PPP3CB: variants seen among roughly 807,000 people sequenced by gnomAD.
PPP3CB encodes the protein protein phosphatase 3 catalytic subunit beta.
PPP3CB carries 8 observed loss-of-function variants against 66.4 expected under a neutral mutation model. The observed-to-expected ratio is 0.12, with a 90% CI of 0.07 to 0.22. The LOEUF is 0.22. Ranked by LOEUF, PPP3CB falls within the 10% of genes least tolerant of loss-of-function variation. PPP3CB has a pLI of 1.00. For synonymous variants in PPP3CB, 208 were observed against 221.2 expected, an observed-to-expected ratio of 0.94 and a Z score of 0.53; for missense variants, 319 against 642.5, an observed-to-expected ratio of 0.50 and a Z score of 5.44.
chr10:73,467,659 T>C lies in PPP3CB; in HGVS notation c.1002A>G (p.Glu334=), dbSNP rs1370693128. Residue 334 remains glutamate, a synonymous_variant, in exon 9 of 14, where the codon GAA becomes GAG. Coordinates refer to ENST00000360663, the MANE Select transcript of PPP3CB (RefSeq NM_021132.4). The part of the protein sequence containing the change: ...YNNKAAVLKY[E]NNVMNIRQFN... ...ACTGTCGAATATTCATCACATTATT[T>C]TCATACTTTAATACAGCAGCTGCAA... 6.4e-7 allele frequency: 1 copy of C among 1,562,456 alleles called. No individual in the cohort carries two copies. The highest frequency in any genetic ancestry group is 1.2e-5 in the South Asian group (1 of 84,232).
chr10:73,450,440 T>G (rs2056326331), intron 10 of PPP3CB, among the ~76,000 whole-genome samples: 2 of 152,192 alleles, frequency 1.3e-5, no homozygotes, highest in African/African-American at 4.8e-5. Context: ...TAAACCTTAG[T>G]ATCTATCCGA....
Position 73,469,111 on chromosome 10 carries a change from C to T in PPP3CB, c.983-1433G>A, listed in dbSNP as rs185866266. Among the ~76,000 whole-genome samples the T allele has an allele frequency of 1.1e-3, 161 of 152,222 alleles. 2 individuals are homozygous for T. The highest frequency in any genetic ancestry group is 3.6e-3 in the African/African-American group (149 of 41,538). On this transcript the variant is annotated intron_variant, in intron 8 of 13. Transcript: ENST00000360663. Reference sequence around the variant, plus strand: ...CATCCCTTAACCTCCTGAGTCAAACCAACAAAGGACAATCAGTAAGGCAGT... The same window carrying T: ...CATCCCTTAACCTCCTGAGTCAAACTAACAAAGGACAATCAGTAAGGCAGT...
chr10:73,450,370 G>C (rs749688818), intron 10 of PPP3CB, among the ~76,000 whole-genome samples: 1 of 150,442 alleles, frequency 6.6e-6, no homozygotes, highest in Non-Finnish European at 1.5e-5. Context: ...AAGAAATCAG[G>C]GAGTACAAAT....
intron 1 of PPP3CB, among the ~76,000 whole-genome samples, chr10:73,480,699 C>T (rs991502353): frequency 2.0e-5 from 3 of 152,194 alleles, no homozygotes; most frequent in Non-Finnish European, 4.4e-5. Context: ...CCCGCCTTGG[C>T]TTCCCAAAGT....
intron 10 of PPP3CB, among the ~76,000 whole-genome samples, chr10:73,450,970 T>C (rs113855839): frequency 0.047 from 7,094 of 152,206 alleles, 506 homozygotes; most frequent in African/African-American, 0.15. Flanking sequence ...ATACTGATGA[T>C]ATATAAAATC....
Position 73,479,357 on chromosome 10 carries a change from C to T in PPP3CB, c.246G>A (p.Arg82=). 1 of 1,614,076 alleles carries T rather than the reference C, an allele frequency of 6.2e-7. No homozygotes were observed. Among genetic ancestry groups the T allele is most frequent in the Non-Finnish European group, 8.5e-7 (1 of 1,179,996 alleles). The change falls in exon 2 of 14, where the codon CGG becomes CGA. Residue 82 remains arginine, a synonymous_variant. Transcript: ENST00000360663. ...RIINEGAAIL[R]REKTMIEVEA... ...CTACTTCTATCATGGTTTTCTCTCT[C>T]CGAAGGATGGCAGCACCCTCATTGA...
intron 12 of PPP3CB, among the ~76,000 whole-genome samples, chr10:73,441,473 G>A (rs758444945): frequency 5.9e-5 from 9 of 152,162 alleles, no homozygotes; most frequent in Admixed American, 1.3e-4. Flanking sequence ...GCATGGTGGT[G>A]TGCATATGTA....
chr10:73,461,100 A>G (rs1250548651), intron 9 of PPP3CB, among the ~76,000 whole-genome samples: 1 of 152,228 alleles, frequency 6.6e-6, no homozygotes, highest in African/African-American at 2.4e-5. Flanking sequence ...CTGCCCACTC[A>G]TCGAAACAGT....
intron 1 of PPP3CB, among the ~76,000 whole-genome samples, chr10:73,488,800 C>T (rs2057028756): frequency 6.6e-6 from 1 of 152,154 alleles, no homozygotes; most frequent in Non-Finnish European, 1.5e-5. Context: ...CTCTATCACT[C>T]ACACTTAATG....
chr10:73,485,442 A>G (rs1305376244), intron 1 of PPP3CB, among the ~76,000 whole-genome samples: 2 of 152,110 alleles, frequency 1.3e-5, no homozygotes, highest in East Asian at 1.9e-4. Flanking sequence ...CTGCCCTCTT[A>G]GCCCTATGAG....
chr10:73,451,019 G>A (rs867375264), intron 10 of PPP3CB, among the ~76,000 whole-genome samples: 12 of 151,746 alleles, frequency 7.9e-5, no homozygotes, highest in African/African-American at 2.9e-4. Context: ...ATTTATTTCT[G>A]GTTCCATCTC....
intron 9 of PPP3CB, among the ~76,000 whole-genome samples, chr10:73,465,379 T>C (rs2056602841): frequency 6.6e-6 from 1 of 151,932 alleles, no homozygotes. Flanking sequence ...CAGGCCAATG[T>C]AGGAATATTT....
chr10:73,482,847 A>C (rs2056904507), intron 1 of PPP3CB, among the ~76,000 whole-genome samples: 2 of 152,168 alleles, frequency 1.3e-5, no homozygotes, highest in Admixed American at 1.3e-4. Flanking sequence ...CAAACTCCTA[A>C]CCTCAGGTGA....
rs191209296 is a variant in PPP3CB at position 73,469,234 on chromosome 10, G to T, written c.982+1453C>A. Among the ~76,000 whole-genome samples the T allele has an allele frequency of 4.6e-5, 7 of 152,222 alleles. No individual in the cohort carries two copies. In the East Asian group the frequency reaches 9.7e-4, roughly 21 times the overall value. ...TGGTAGAAAGTTAAATTTAACACTT[G>T]GTTCTGTTTTTGAGAATGGAATCAG... On this transcript the variant is annotated intron_variant, in intron 8 of 13. Transcript: ENST00000360663.
At chr10:73,438,987 C>T (rs1206616925) in intron 13 of PPP3CB, among the ~76,000 whole-genome samples, 1 of 152,118 alleles carries the variant, frequency 6.6e-6, no homozygotes, top group Non-Finnish European at 1.5e-5. Context: ...GAAGTGCCTC[C>T]AAGAGTTAGA....
chr10:73,491,250 C>G (rs1400377252), intron 1 of PPP3CB, among the ~76,000 whole-genome samples: 1 of 151,536 alleles, frequency 6.6e-6, no homozygotes, highest in Non-Finnish European at 1.5e-5. Context: ...AGGCTGGTCT[C>G]GAACTCCTGA....
intron 9 of PPP3CB, among the ~76,000 whole-genome samples, chr10:73,465,606 A>C (rs2056607112): frequency 1.3e-5 from 2 of 152,180 alleles, no homozygotes; most frequent in African/African-American, 4.8e-5. Flanking sequence ...AAGGGTAAGG[A>C]AACACTGCTT....
At chr10:73,464,297 C>T (rs2056581299) in intron 9 of PPP3CB, among the ~76,000 whole-genome samples, 1 of 152,146 alleles carries the variant, frequency 6.6e-6, no homozygotes, top group South Asian at 2.1e-4. Flanking sequence ...TACCATATTA[C>T]ATCTTATTAT....
chr10:73,460,265 C>CAAAAAAAAAA (rs11447229), intron 9 of PPP3CB, among the ~76,000 whole-genome samples: 5 of 35,828 alleles, frequency 1.4e-4, no homozygotes, highest in African/African-American at 4.7e-4. Flanking sequence ...AAAGTAATAG[C>CAAAAAAAAAA]AAAAAAAAAA....
Sources: gnomAD v4.1 joint callset for allele counts (sites outside exome capture counted in the v4.1 genomes callset) on GRCh38, gnomAD v4.1.1 for gene constraint, MANE v1.5 for transcripts, NCBI Gene and HGNC (gene_info 2026-07-23, HGNC 2026-07-21) for gene names.